The following DAB1 variants were observed in gnomAD, a reference collection of about 807,000 sequenced individuals.
DAB1 encodes disabled homolog 1.
DAB1 carries 15 observed loss-of-function variants against 64.6 expected under a neutral mutation model. The ratio of observed to expected loss-of-function variants is 0.23; its 90% CI spans 0.16 to 0.36. The LOEUF (loss-of-function observed/expected upper bound fraction) is 0.36, where lower values mean the gene tolerates loss of function less well. Among genes scored for constraint, DAB1 ranks in the 10% least tolerant of loss-of-function variants. DAB1 has a pLI of 1.00. For missense variants in DAB1, 596 were observed against 706.7 expected (o/e 0.84, Z 1.78); for synonymous variants, 235 against 251.9 (o/e 0.93, Z 0.64).
Position 58,425,717 on chromosome 1 carries a change from G to C in DAB1, n.257+80343C>G, listed in dbSNP as rs192568969. Among the ~76,000 whole-genome samples the C allele has an allele frequency of 2.6e-5, 4 of 152,088 alleles. No homozygotes were observed. In the East Asian group the frequency reaches 7.7e-4, roughly 29 times the overall value. The stretch of plus-strand genomic sequence containing the variant: ...GAAGGAGTTTTAAAAAGTGAAAGAA[G>C]AATCAACAGAGTATCATCATTGAAA... On this transcript the variant is annotated intron_variant and non_coding_transcript_variant, in intron 3 of 20. Transcript: ENST00000485760.
chr1:57,910,249 G>A (rs1467437265), intron 5 of DAB1, among the ~76,000 whole-genome samples: 1 of 152,124 alleles, frequency 6.6e-6, no homozygotes, highest in African/African-American at 2.4e-5. Flanking sequence ...CCTGATAGGT[G>A]GGTAATTGCA....
intron 4 of DAB1, among the ~76,000 whole-genome samples, chr1:58,195,468 G>A (rs1657627008): frequency 6.6e-6 from 1 of 152,036 alleles, no homozygotes; most frequent in African/African-American, 2.4e-5. Context: ...CAAAAAAATG[G>A]GAAGAAGAAG....
intron 3 of DAB1, chr1:58,462,720 C>A (rs1251951783): frequency 2.6e-5 from 4 of 152,180 alleles, no homozygotes; most frequent in Non-Finnish European, 5.9e-5. Flanking sequence ...CAATAGCATA[C>A]AACTTAGCCA....
chr1:57,989,692 G>A (rs1297325368), intron 5 of DAB1, among the ~76,000 whole-genome samples: 1 of 152,086 alleles, frequency 6.6e-6, no homozygotes, highest in Non-Finnish European at 1.5e-5. Flanking sequence ...CCAAACATGG[G>A]GCACCAGGGC....
In DAB1 at chr1:57,838,715, C is replaced by T. The variant is rs188948119; in HGVS notation, n.88-12260G>A. On this transcript the variant is annotated intron_variant and non_coding_transcript_variant, in intron 1 of 1. Coordinates refer to the DAB1 transcript ENST00000477280. ...CTTCTCATTCAAAGAATGAGACAAA[C>T]TGGCTCATTGCAGAGACTTACTTAG... Among the ~76,000 whole-genome samples, 65 of 152,104 alleles carry T rather than the reference C, an allele frequency of 4.3e-4. 1 individual carries two copies. Among genetic ancestry groups the T allele is most frequent in the Non-Finnish European group, 1.3e-4 (9 of 67,994 alleles).
chr1:58,396,925 C>A (rs181228034), intron 3 of DAB1, among the ~76,000 whole-genome samples: 10 of 152,000 alleles, frequency 6.6e-5, no homozygotes, highest in Non-Finnish European at 1.2e-4. Context: ...ACTAGCCGGG[C>A]GTAGTGGTGG....
At chr1:58,522,090 C>A (rs7354819) in intron 2 of DAB1, among the ~76,000 whole-genome samples, 17,696 of 152,054 alleles carry the variant, frequency 0.12, 1,226 homozygotes, top group African/African-American at 0.18. Context: ...TGCAACTTAA[C>A]TTTAAAAAAA....
chr1:57,608,228 T>C (rs568444193), intron 7 of DAB1, among the ~76,000 whole-genome samples: 3 of 152,242 alleles, frequency 2.0e-5, no homozygotes, highest in African/African-American at 7.2e-5. Flanking sequence ...TAAAATTGAA[T>C]GCACACACAG....
chr1:58,235,051 T>C (rs1659954973), intron 4 of DAB1, among the ~76,000 whole-genome samples: 1 of 152,262 alleles, frequency 6.6e-6, no homozygotes, highest in South Asian at 2.1e-4. Context: ...AGTGTAATAC[T>C]GGACAAGTTA....
intron 9 of DAB1, among the ~76,000 whole-genome samples, chr1:57,059,847 C>A (rs1409935139): frequency 2.0e-5 from 3 of 152,118 alleles, no homozygotes; most frequent in Non-Finnish European, 4.4e-5. Context: ...TGTCTCTATA[C>A]CACAGCCTGA....
intron 5 of DAB1, among the ~76,000 whole-genome samples, chr1:57,941,907 G>C (rs1348389528): frequency 1.3e-5 from 2 of 152,200 alleles, no homozygotes; most frequent in African/African-American, 2.4e-5. Context: ...ACTGAATAGT[G>C]ATCTCAGTGA....
intron 3 of DAB1, among the ~76,000 whole-genome samples, chr1:58,388,312 C>G (rs1644449843): frequency 6.6e-6 from 1 of 152,144 alleles, no homozygotes. Flanking sequence ...TCTCTTATAG[C>G]CAGGGATAGC....
chr1:57,871,150 G>A (rs964797447), intron 1 of DAB1, among the ~76,000 whole-genome samples: 2 of 152,132 alleles, frequency 1.3e-5, no homozygotes, highest in African/African-American at 4.8e-5. Context: ...CCAATGAAGG[G>A]ATTGGAAAGA....
chr1:58,145,134 C>T (rs952693216), intron 5 of DAB1, among the ~76,000 whole-genome samples: 1 of 152,194 alleles, frequency 6.6e-6, no homozygotes, highest in African/African-American at 2.4e-5. Flanking sequence ...AAAGAACCAG[C>T]CCAAACCAGC....
intron 9 of DAB1, among the ~76,000 whole-genome samples, chr1:57,032,594 C>G (rs1646998630): frequency 6.6e-6 from 1 of 152,148 alleles, no homozygotes; most frequent in East Asian, 1.9e-4. Context: ...ATCAGTGGTT[C>G]TCAACCTTGG....
intron 6 of DAB1, among the ~76,000 whole-genome samples, chr1:57,799,943 C>A (rs1400988594): frequency 6.6e-6 from 1 of 152,088 alleles, no homozygotes; most frequent in African/African-American, 2.4e-5. Context: ...TACTATCTGG[C>A]CCTTTGCAGA....
chr1:57,704,802 A>G (rs1196809108), intron 6 of DAB1, among the ~76,000 whole-genome samples: 1 of 152,088 alleles, frequency 6.6e-6, no homozygotes, highest in Non-Finnish European at 1.5e-5. Flanking sequence ...GTTTCAATAG[A>G]TCTACTAGTC....
rs1675915809 is a variant in DAB1 at position 57,323,702 on chromosome 1, T to TA, written c.-136-32537dup. Among the ~76,000 whole-genome samples the TA allele has an allele frequency of 3.3e-5, 5 of 152,300 alleles. No homozygotes were observed. In the South Asian group the frequency reaches 1.0e-3, roughly 32 times the overall value. On this transcript the variant is annotated intron_variant, in intron 1 of 14. Coordinates refer to ENST00000371236, the MANE Select transcript of DAB1 (RefSeq NM_001365792.1). ...AGATAGTGTATGTTTATAAAATAATTAAAAATTACATCTTTTTAAAAATAG... is the reference window on the plus strand; with the variant it reads ...AGATAGTGTATGTTTATAAAATAATTAAAAAATTACATCTTTTTAAAAATAG...
At chr1:58,101,485 G>A (rs1352263783) in intron 5 of DAB1, among the ~76,000 whole-genome samples, 1 of 152,094 alleles carries the variant, frequency 6.6e-6, no homozygotes, top group Non-Finnish European at 1.5e-5. Flanking sequence ...TGGGGGGTAA[G>A]GGGACATTAA....
Sources: gnomAD v4.1 joint callset for allele counts (sites outside exome capture counted in the v4.1 genomes callset) on GRCh38, gnomAD v4.1.1 for gene constraint, MANE v1.5 for transcripts, NCBI Gene and HGNC (gene_info 2026-07-23, HGNC 2026-07-21) for gene names.